Variants in CD96 observed in about 807,000 individuals in gnomAD.
CD96 encodes the protein T-cell surface protein tactile.
CD96 carries 70 observed loss-of-function variants against 71.3 expected under a neutral mutation model. That is an observed-to-expected ratio of 0.98 (90% CI 0.81 to 1.20). The LOEUF is 1.20. CD96 is among the 50% of genes most tolerant of loss of function. The pLI, the probability that CD96 is intolerant of heterozygous loss-of-function variation, is 0.00. For synonymous variants in CD96, 248 were observed against 233.0 expected (o/e 1.06, Z -0.59); for missense variants, 742 against 677.5 (o/e 1.10, Z -1.06).
In CD96 at chr3:111,545,045, G is replaced by T; in HGVS notation, c.62-1G>T. The T allele has an allele frequency of 6.2e-7, 1 of 1,611,330 alleles. No homozygotes were observed. Among genetic ancestry groups the T allele is most frequent in the South Asian group, 1.1e-5 (1 of 91,028 alleles). On this transcript the variant is annotated splice_acceptor_variant, in intron 1 of 13. Coordinates refer to ENST00000352690, the MANE Select transcript of CD96 (RefSeq NM_005816.5). LOFTEE classifies it high-confidence loss of function. ...TCATGGCTCATGTTCTTTCTTTTCA[G>T]GAGTTTGGGAAAAAACAGTCAACAC...
chr3:111,663,797 G>A (rs1940413421), intron 14 of CD96, among the ~76,000 whole-genome samples: 1 of 150,140 alleles, frequency 6.7e-6, no homozygotes, highest in Non-Finnish European at 1.5e-5. Flanking sequence ...TGCCCAGGCT[G>A]GAGTGCAGTA....
intron 2 of CD96, among the ~76,000 whole-genome samples, chr3:111,556,657 A>G (rs1405817560): frequency 7.3e-6 from 1 of 136,202 alleles, no homozygotes; most frequent in African/African-American, 2.8e-5. Flanking sequence ...TAATGCCGCA[A>G]TAAACATACG....
chr3:111,606,442 G>A (rs1937626489), intron 7 of CD96, among the ~76,000 whole-genome samples: 1 of 152,082 alleles, frequency 6.6e-6, no homozygotes, highest in Non-Finnish European at 1.5e-5. Flanking sequence ...GTGTTCCTGT[G>A]GCCACCTATG....
At chr3:111,573,408 G>A (rs1350818524) in intron 3 of CD96, among the ~76,000 whole-genome samples, 1 of 152,108 alleles carries the variant, frequency 6.6e-6, no homozygotes, top group Admixed American at 6.5e-5. Flanking sequence ...CGGCAGCATG[G>A]GGAAAATAGT....
intron 5 of CD96, among the ~76,000 whole-genome samples, chr3:111,586,534 C>T (rs1361479894): frequency 1.3e-5 from 2 of 152,196 alleles, no homozygotes; most frequent in Non-Finnish European, 2.9e-5. Context: ...AGTAAAGACA[C>T]ACCCAAGACT....
intron 3 of CD96, among the ~76,000 whole-genome samples, chr3:111,573,771 T>C (rs1936096617): frequency 6.6e-6 from 1 of 152,226 alleles, no homozygotes; most frequent in South Asian, 2.1e-4. Flanking sequence ...TATTTAATAT[T>C]TGTGCTATTT....
intron 14 of CD96, among the ~76,000 whole-genome samples, chr3:111,664,986 G>C (rs774708314): frequency 6.6e-6 from 1 of 152,164 alleles, no homozygotes; most frequent in Non-Finnish European, 1.5e-5. Context: ...AAAGGACTAT[G>C]ATATAAATAA....
Position 111,606,903 on chromosome 3 carries a change from G to T in CD96, c.1180+111G>T, listed in dbSNP as rs111289635. On this transcript the variant is annotated intron_variant, in intron 8 of 13. Coordinates refer to ENST00000352690, the MANE Select transcript of CD96 (RefSeq NM_005816.5). Reference sequence around the variant, plus strand: ...TGTTTCTTAGCTATGACTTTTTTGGGGCTGAAATTGGGTTTTATTTTTTAA... The same window carrying T: ...TGTTTCTTAGCTATGACTTTTTTGGTGCTGAAATTGGGTTTTATTTTTTAA... 1,226 of 746,804 alleles carry T rather than the reference G, an allele frequency of 1.6e-3. 9 individuals carry two copies. The highest frequency in any genetic ancestry group is 5.4e-3 in the South Asian group (380 of 70,384). 46.3% of individuals were successfully genotyped at this position (746,804 alleles called of 1,614,324 possible).
In CD96 at chr3:111,652,291, C is replaced by A. The variant is rs972917500; in HGVS notation, c.*2485C>A. On this transcript the variant is annotated 3_prime_UTR_variant, in exon 14 of 14. Transcript: ENST00000352690. Reference sequence around the variant, plus strand: ...GTTCTCAAGAAACAAATGCTAGCTTCATATGTATGGCTGTTGCTTTGCTTC... The same window carrying A: ...GTTCTCAAGAAACAAATGCTAGCTTAATATGTATGGCTGTTGCTTTGCTTC... 2.0e-5 allele frequency: 3 copies of A among 152,092 alleles called. No homozygotes were observed. The highest frequency in any genetic ancestry group is 2.0e-4 in the Admixed American group (3 of 15,272). The allele number at this position is 152,092 out of a possible 1,614,324, so 9.4% of individuals were successfully genotyped here.
rs1937450005 is a variant in CD96 at position 111,600,647 on chromosome 3, A to T, written c.899-79A>T. 4.6e-6 allele frequency: 5 copies of T among 1,078,594 alleles called. No individual in the cohort carries two copies. The Admixed American group carries it at 8.5e-5, about 18-fold the overall frequency. The allele number at this position is 1,078,594 out of a possible 1,614,324, so 66.8% of individuals were successfully genotyped here. Reference sequence around the variant, plus strand: ...TTAGACTCTACATTACCACAAATTGATCATGCCATGCCTTGGCATTATTGT... The same window carrying T: ...TTAGACTCTACATTACCACAAATTGTTCATGCCATGCCTTGGCATTATTGT... On this transcript the variant is annotated intron_variant, in intron 6 of 13. Transcript: ENST00000352690.
intron 2 of CD96, among the ~76,000 whole-genome samples, chr3:111,550,606 G>GT (rs899416871): frequency 1.7e-4 from 26 of 151,328 alleles, no homozygotes; most frequent in African/African-American, 3.4e-4. Flanking sequence ...AAAAAGAACA[G>GT]TTTTTTTTTA....
chr3:111,594,328 A>G, intron 5 of CD96: 2 of 1,208,396 alleles, frequency 1.7e-6, no homozygotes, highest in South Asian at 1.6e-5. Context: ...AATAATGGCC[A>G]AAGTCTGGCC....
chr3:111,655,218 A>G (rs1940200867), downstream of CD96, among the ~76,000 whole-genome samples: 1 of 152,204 alleles, frequency 6.6e-6, no homozygotes, highest in Non-Finnish European at 1.5e-5. Flanking sequence ...AGTAATAAAT[A>G]AGAATTGATT....
chr3:111,561,981 T>G (rs1387680379), intron 2 of CD96, among the ~76,000 whole-genome samples: 1 of 151,846 alleles, frequency 6.6e-6, no homozygotes, highest in African/African-American at 2.4e-5. Flanking sequence ...TCCAGGTGCG[T>G]CCGTCACCCC....
chr3:111,605,935 C>T (rs186048822), intron 7 of CD96, among the ~76,000 whole-genome samples: 28 of 152,296 alleles, frequency 1.8e-4, no homozygotes, highest in African/African-American at 6.0e-4. Flanking sequence ...CTTCTAACTT[C>T]AAAATCATCT....
At chr3:111,589,916 A>C (rs949281642) in intron 5 of CD96, among the ~76,000 whole-genome samples, 2 of 152,204 alleles carry the variant, frequency 1.3e-5, no homozygotes, top group African/African-American at 2.4e-5. Context: ...GCCTCAGCTA[A>C]CTCATATCTA....
intron 2 of CD96, 36 bp from the exon 3 acceptor site, chr3:111,567,487 A>C: frequency 1.3e-6 from 2 of 1,580,404 alleles, no homozygotes; most frequent in Non-Finnish European, 1.7e-6. Context: ...AACCAATCAG[A>C]GATTCACATA....
intron 8 of CD96, chr3:111,612,966 G>C (rs1938030635): frequency 5.5e-6 from 1 of 181,116 alleles, no homozygotes; most frequent in Non-Finnish European, 1.1e-5. Flanking sequence ...CTGTAGATAT[G>C]AATCTACAGA....
At chr3:111,658,810 T>C (rs1022798102) in intron 14 of CD96, among the ~76,000 whole-genome samples, 8 of 152,202 alleles carry the variant, frequency 5.3e-5, no homozygotes, top group African/African-American at 1.9e-4. Context: ...ATATATTCTA[T>C]TGTGTCTGTG....
Sources: gnomAD v4.1 joint callset for allele counts (sites outside exome capture counted in the v4.1 genomes callset) on GRCh38, gnomAD v4.1.1 for gene constraint, MANE v1.5 for transcripts, NCBI Gene and HGNC (gene_info 2026-07-23, HGNC 2026-07-21) for gene names.